The following PCP4 variants were observed in gnomAD, a reference collection of about 807,000 sequenced individuals.
PCP4 encodes the protein Purkinje cell protein 4.
PCP4 carries 8 observed loss-of-function variants against 10.0 expected under a neutral mutation model. The ratio of observed to expected loss-of-function variants is 0.80; its 90% confidence interval spans 0.47 to 1.45. The LOEUF is 1.45. Ranked by LOEUF, PCP4 falls within the 40% of genes most tolerant of loss-of-function variation. PCP4 has a pLI of 0.00. For synonymous variants in PCP4, 21 were observed against 23.0 expected, an observed-to-expected ratio of 0.91 and a Z score of 0.24; for missense variants, 54 against 74.4, an observed-to-expected ratio of 0.73 and a Z score of 1.01.
intron 1 of PCP4, among the ~76,000 whole-genome samples, chr21:39,877,567 C>A (rs148064978): frequency 2.4e-4 from 37 of 151,632 alleles, no homozygotes; most frequent in Non-Finnish European, 4.1e-4. Context: ...TGTGGTGGTG[C>A]ATTCCTGTAG....
intron 2 of PCP4, among the ~76,000 whole-genome samples, chr21:39,903,142 T>C (rs778758188): frequency 2.0e-5 from 3 of 152,256 alleles, no homozygotes; most frequent in Non-Finnish European, 2.9e-5. Context: ...GGAAGCAGAG[T>C]GGCTGCTGGG....
chr21:39,905,898 A>C (rs1445195725), intron 2 of PCP4, among the ~76,000 whole-genome samples: 2 of 152,184 alleles, frequency 1.3e-5, no homozygotes, highest in African/African-American at 2.4e-5. Context: ...AATACAAAAA[A>C]TTAGCCGGGG....
intron 2 of PCP4, among the ~76,000 whole-genome samples, chr21:39,911,770 G>A (rs554685833): frequency 2.0e-5 from 3 of 152,210 alleles, no homozygotes; most frequent in Admixed American, 6.5e-5. Flanking sequence ...ATGGCTGTGT[G>A]TGGAAGAGTT....
rs2146349407 is a variant in PCP4, at chr21:39,920,271, TG to T, written c.62-8711del. On this transcript the variant is annotated intron_variant, in intron 2 of 2. Coordinates refer to ENST00000328619, the MANE Select transcript of PCP4 (RefSeq NM_006198.3). ...ATGTGTTTGGTGTGGTGTGTGTGTG[TG>T]GTGTAGTGTGTGTGGTGTGTGTGTG... Among the ~76,000 whole-genome samples the T allele has an allele frequency of 3.1e-5, 4 of 128,218 alleles. No individual in the cohort carries two copies. The East Asian group carries it at 7.2e-4, about 23-fold the overall frequency. 84.1% of individuals were successfully genotyped at this position (128,218 alleles called of 152,430 possible).
chr21:39,869,874 G>T (rs1740216477), intron 1 of PCP4, among the ~76,000 whole-genome samples: 1 of 152,200 alleles, frequency 6.6e-6, no homozygotes, highest in Non-Finnish European at 1.5e-5. Flanking sequence ...TTGCATGTGT[G>T]ACTAATTACC....
At chr21:39,893,093 C>A (rs1020596729) in intron 1 of PCP4, among the ~76,000 whole-genome samples, 5 of 152,132 alleles carry the variant, frequency 3.3e-5, no homozygotes, top group Non-Finnish European at 5.9e-5. Flanking sequence ...ATGAAGAATC[C>A]TCATAGCAGC....
intron 2 of PCP4, among the ~76,000 whole-genome samples, chr21:39,903,165 T>A (rs1189926980): frequency 2.6e-5 from 4 of 152,162 alleles, no homozygotes; most frequent in African/African-American, 9.7e-5. Context: ...CCTTCCAACC[T>A]GAAAAAGAGA....
chr21:39,921,862 A>G (rs367908255), intron 2 of PCP4, among the ~76,000 whole-genome samples: 1 of 152,358 alleles, frequency 6.6e-6, no homozygotes, highest in Middle Eastern at 3.4e-3. Flanking sequence ...GAGCAAACTC[A>G]TACTCTTCTC....
chr21:39,873,322 C>A (rs1454331127), intron 1 of PCP4, among the ~76,000 whole-genome samples: 1 of 152,080 alleles, frequency 6.6e-6, no homozygotes, highest in East Asian at 1.9e-4. Flanking sequence ...AGGTAAACAT[C>A]TAGCACGCGG....
intron 1 of PCP4, among the ~76,000 whole-genome samples, chr21:39,889,813 A>G (rs911636380): frequency 6.6e-5 from 10 of 152,188 alleles, no homozygotes; most frequent in African/African-American, 1.9e-4. Context: ...TTGGACCCCA[A>G]ATTTAACCAG....
intron 2 of PCP4, among the ~76,000 whole-genome samples, chr21:39,917,000 G>C (rs1329590050): frequency 6.6e-6 from 1 of 152,138 alleles, no homozygotes; most frequent in Admixed American, 6.5e-5. Flanking sequence ...ATACCTAGGC[G>C]ATGGGTTGAT....
chr21:39,867,646 C>A, intron 1 of PCP4, 136 bp downstream of exon 1: 1 of 898,640 alleles, frequency 1.1e-6, no homozygotes, highest in Non-Finnish European at 1.9e-6. Context: ...GCTTGGAGAA[C>A]TGACAGGATT....
Position 39,906,191 on chromosome 21 carries a change from T to G in PCP4, c.61+7664T>G, listed in dbSNP as rs891654533. Among the ~76,000 whole-genome samples, 10 of 152,254 alleles carry G rather than the reference T, an allele frequency of 6.6e-5. No homozygotes were observed. Among genetic ancestry groups the G allele is most frequent in the African/African-American group, 2.4e-4 (10 of 41,472 alleles). On this transcript the variant is annotated intron_variant, in intron 2 of 2. Transcript: ENST00000328619. This position sits in a 1 kb window ranked among gnomAD's most constrained non-coding sequence, Gnocchi z 6.3. ...TAAGAGGAGGAAAGTTTTGGTCATCTGACCCACAGTCCAAACACACCAGGT... is the reference window on the plus strand; with the variant it reads ...TAAGAGGAGGAAAGTTTTGGTCATCGGACCCACAGTCCAAACACACCAGGT...
Position 39,891,654 on chromosome 21 carries a change from G to A in PCP4, c.10-6822G>A, listed in dbSNP as rs189832724. On this transcript the variant is annotated intron_variant, in intron 1 of 2. Transcript: ENST00000328619. ...GTGGCCCCGAACGGCTGGGCTGGCC[G>A]TTATTTATTGCATACAAGACAAGGG... 4.0e-3 allele frequency among the ~76,000 whole-genome samples: 615 copies of A among 152,318 alleles called. 7 individuals are homozygous for A. Among genetic ancestry groups the A allele is most frequent in the African/African-American group, 0.014 (576 of 41,570 alleles).
chr21:39,892,975 G>A (rs184762421), intron 1 of PCP4, among the ~76,000 whole-genome samples: 93 of 152,222 alleles, frequency 6.1e-4, no homozygotes, highest in African/African-American at 2.1e-3. Flanking sequence ...TACTTGTCAG[G>A]TCTAAAAATC....
At chr21:39,901,129 A>G (rs992447119) in intron 2 of PCP4, among the ~76,000 whole-genome samples, 2 of 152,202 alleles carry the variant, frequency 1.3e-5, no homozygotes, top group Non-Finnish European at 2.9e-5. Flanking sequence ...AATCTGTTAT[A>G]TCATGTGATG....
intron 1 of PCP4, among the ~76,000 whole-genome samples, chr21:39,890,712 T>G (rs1568853596): frequency 6.6e-6 from 1 of 152,138 alleles, no homozygotes; most frequent in Non-Finnish European, 1.5e-5. Context: ...GCAGTACTTT[T>G]TATTTGAAAA....
intron 2 of PCP4, among the ~76,000 whole-genome samples, chr21:39,907,723 G>A (rs2087519255): frequency 6.6e-6 from 1 of 152,124 alleles, no homozygotes; most frequent in Admixed American, 6.5e-5. Context: ...CTTGAACCCA[G>A]GAGGCGGAGA....
intron 1 of PCP4, among the ~76,000 whole-genome samples, chr21:39,868,462 CAAG>C (rs1464021376): frequency 6.6e-6 from 1 of 152,090 alleles, no homozygotes; most frequent in African/African-American, 2.4e-5. Context: ...GTAAACATGA[CAAG>C]AAGAAGAGCA....
Sources: gnomAD v4.1 joint callset for allele counts (sites outside exome capture counted in the v4.1 genomes callset) on GRCh38, gnomAD v4.1.1 for gene constraint, Gnocchi (gnomAD v3.1) non-coding constraint, MANE v1.5 for transcripts, NCBI Gene and HGNC (gene_info 2026-07-23, HGNC 2026-07-21) for gene names.